Variants in BLNK observed in about 807,000 individuals in gnomAD.
BLNK encodes the protein B-cell linker protein.
In BLNK, 29 loss-of-function variants were observed where a neutral mutation model predicts 73.5. The ratio of observed to expected loss-of-function variants is 0.39; its 90% confidence interval spans 0.29 to 0.54. The LOEUF is 0.54. BLNK is among the 20% of genes least tolerant of loss of function. The pLI is 0.61. For synonymous variants in BLNK, 176 were observed against 200.8 expected (o/e 0.88, Z 1.04); for missense variants, 460 against 562.8 (o/e 0.82, Z 1.85).
At chr10:96,203,286 G>T (rs942331362) in intron 13 of BLNK, among the ~76,000 whole-genome samples, 1 of 151,876 alleles carries the variant, frequency 6.6e-6, no homozygotes, top group East Asian at 1.9e-4. Context: ...TGTGTTGTCA[G>T]AATTTTTTTT....
At chr10:96,251,333 A>G (rs4918999) in intron 1 of BLNK, among the ~76,000 whole-genome samples, 151,243 of 152,354 alleles carry the variant, frequency 0.99, 75,082 homozygotes, top group Middle Eastern at 1. Context: ...TTTCATTTTG[A>G]AGTGCTTTTT....
chr10:96,240,113 C>G lies in BLNK; in HGVS notation c.163+2622G>C, dbSNP rs146132973. ...CCCCACCATTGCACTCTTCCATCTT[C>G]CCTCACAGCAGGTACCATGTTTGCT... On this transcript the variant is annotated intron_variant, in intron 3 of 16. Coordinates refer to ENST00000224337, the MANE Select transcript of BLNK (RefSeq NM_013314.4). 7.2e-5 allele frequency among the ~76,000 whole-genome samples: 11 copies of G among 152,334 alleles called. No homozygotes were observed. The East Asian group carries it at 1.9e-3, about 27-fold the overall frequency.
chr10:96,259,236 T>C (rs1274478104), intron 1 of BLNK, among the ~76,000 whole-genome samples: 2 of 152,236 alleles, frequency 1.3e-5, no homozygotes, highest in Non-Finnish European at 2.9e-5. Context: ...CTGTGACACA[T>C]GTGCCCCCAC....
At chr10:96,195,742 ATATACT>A (rs2083449194) in intron 16 of BLNK, among the ~76,000 whole-genome samples, 2 of 152,224 alleles carry the variant, frequency 1.3e-5, no homozygotes, top group African/African-American at 4.8e-5. Context: ...AACAATGTAA[ATATACT>A]TATTACTGAG....
At chr10:96,195,981 A>T (rs1008321975) in intron 16 of BLNK, among the ~76,000 whole-genome samples, 8 of 152,246 alleles carry the variant, frequency 5.3e-5, no homozygotes, top group African/African-American at 1.9e-4. Context: ...AAATACAGAG[A>T]TGAAAAGACA....
Position 96,224,162 on chromosome 10 carries a change from G to C in BLNK, c.362-173C>G, listed in dbSNP as rs72811013. Among the ~76,000 whole-genome samples, 18,971 of 152,172 alleles carry C rather than the reference G, an allele frequency of 0.12. 1,680 individuals are homozygous for C. Among genetic ancestry groups the C allele is most frequent in the East Asian group, 0.45 (2,303 of 5,172 alleles). Reference sequence around the variant, plus strand: ...AAATGTTAGGCCCAAAATTTCAACTGCTTATTGACTTAAACGACAAAAACT... The same window carrying C: ...AAATGTTAGGCCCAAAATTTCAACTCCTTATTGACTTAAACGACAAAAACT... On this transcript the variant is annotated intron_variant, in intron 5 of 16. Transcript: ENST00000224337.
chr10:96,199,532 T>C (rs76040811), intron 15 of BLNK: 2 of 460,320 alleles, frequency 4.3e-6, no homozygotes, highest in South Asian at 1.5e-5. Context: ...AGGCTGTGGG[T>C]CCTTGAGGAG....
chr10:96,197,120 G>A (rs1554894899), intron 15 of BLNK, 57 bp from the exon 16 acceptor site: 6 of 1,426,356 alleles, frequency 4.2e-6, no homozygotes, highest in East Asian at 4.9e-5. Flanking sequence ...TATTTCTACA[G>A]GTTCAAAAAA....
intron 6 of BLNK, among the ~76,000 whole-genome samples, chr10:96,220,314 A>G (rs1371840370): frequency 6.6e-6 from 1 of 152,140 alleles, no homozygotes; most frequent in African/African-American, 2.4e-5. Context: ...GACGAACCCC[A>G]GGTATTTACC....
intron 1 of BLNK, among the ~76,000 whole-genome samples, chr10:96,249,062 GT>G (rs1240770857): frequency 6.6e-6 from 1 of 152,202 alleles, no homozygotes; most frequent in African/African-American, 2.4e-5. Flanking sequence ...AGAGTAGGAC[GT>G]TTTAATTCAC....
rs138255946 is a variant in BLNK at position 96,271,354 on chromosome 10, C to G, written c.45G>C (p.Leu15Phe). ...GTATTGGGTGGGGAAAATCTTACCT[C>G]AACTTCTGACTGGCGGGGACGGTTA... ...NKITVPASQK[L>F]RQLQKMVHDI... Residue 15 changes from leucine (L) to phenylalanine (F), a missense_variant and splice_region_variant, in exon 1 of 17, where the codon TTG becomes TTC. By Grantham distance (22) the Leu-to-Phe change is conservative. Transcript: ENST00000224337. 1.9e-5 allele frequency: 30 copies of G among 1,614,044 alleles called. No individual in the cohort carries two copies. The African/African-American group carries it at 3.7e-4, about 20-fold the overall frequency.
intron 8 of BLNK, among the ~76,000 whole-genome samples, chr10:96,210,646 A>G (rs587635747): frequency 6.6e-6 from 1 of 152,246 alleles, no homozygotes; most frequent in East Asian, 1.9e-4. Context: ...AGCAGGATGG[A>G]TCTTCACTGT....
intron 3 of BLNK, among the ~76,000 whole-genome samples, chr10:96,232,953 G>A (rs782689754): frequency 6.6e-6 from 1 of 151,796 alleles, no homozygotes; most frequent in East Asian, 1.9e-4. Context: ...TAACTGGCAC[G>A]TGCCACCATG....
chr10:96,201,928 G>T (rs1175522863), intron 13 of BLNK, among the ~76,000 whole-genome samples: 2 of 152,140 alleles, frequency 1.3e-5, no homozygotes, highest in Admixed American at 6.5e-5. Flanking sequence ...GGTCATAAAT[G>T]CTATGAAGAA....
chr10:96,190,574 G>A lies in BLNK; in HGVS notation c.*1399C>T, dbSNP rs1481895821. On this transcript the variant is annotated 3_prime_UTR_variant, in exon 17 of 17. Transcript: ENST00000224337. ...ATAGGTGGCAATTATGAAAGTTTAT[G>A]ACATTTAAATATACAATTATCTTTA... Among the ~76,000 whole-genome samples the A allele has an allele frequency of 6.6e-6, 1 of 152,138 alleles. No homozygotes were observed. Among genetic ancestry groups the A allele is most frequent in the African/African-American group, 2.4e-5 (1 of 41,428 alleles).
chr10:96,246,222 T>A (rs1327267718), intron 2 of BLNK, among the ~76,000 whole-genome samples: 30 of 152,074 alleles, frequency 2.0e-4, no homozygotes, highest in Admixed American at 2.0e-3. Context: ...ATTGAAAAGT[T>A]CATTTTCAGG....
intron 1 of BLNK, among the ~76,000 whole-genome samples, chr10:96,259,345 A>T (rs187053471): frequency 6.6e-6 from 1 of 152,302 alleles, no homozygotes. Context: ...GAGGGAGAGT[A>T]AAAAGAGGAA....
rs933087131 is a variant in BLNK at position 96,250,415 on chromosome 10, G to T, written c.48-3366C>A. ...TTGAGAGACAGACAGAGAGAGAGGG[G>T]GAGAGAGAGAGAGAGAGAGAGGAAG... On this transcript the variant is annotated intron_variant, in intron 1 of 16. Transcript: ENST00000224337. 2.8e-5 allele frequency among the ~76,000 whole-genome samples: 4 copies of T among 143,434 alleles called. No individual in the cohort carries two copies. The South Asian group carries it at 9.1e-4, about 33-fold the overall frequency. 94.1% of individuals were successfully genotyped at this position (143,434 alleles called of 152,430 possible). A position where few individuals can be genotyped will look rare whatever the true frequency, so the allele number is the denominator to read the frequency against.
chr10:96,217,280 C>A (rs782674557), intron 6 of BLNK, among the ~76,000 whole-genome samples: 4 of 152,064 alleles, frequency 2.6e-5, no homozygotes, highest in Non-Finnish European at 5.9e-5. Flanking sequence ...CATGACTATT[C>A]ATGTACAAGT....
Sources: gnomAD v4.1 joint callset for allele counts (sites outside exome capture counted in the v4.1 genomes callset) on GRCh38, gnomAD v4.1.1 for gene constraint, MANE v1.5 for transcripts, NCBI Gene and HGNC (gene_info 2026-07-23, HGNC 2026-07-21) for gene names.